The following FHIP1A variants were observed in gnomAD, a reference collection of about 807,000 sequenced individuals.
FHIP1A encodes the protein FHF complex subunit HOOK interacting protein 1A, also known as FHF complex subunit HOOK-interacting protein 1A.
Under a neutral mutation model 88.6 loss-of-function variants are expected in FHIP1A, and 61 were observed. The observed-to-expected ratio is 0.69, with a 90% confidence interval of 0.56 to 0.85. The LOEUF is 0.85. Among genes scored for constraint, FHIP1A ranks in the 40% least tolerant of loss-of-function variants. The pLI, the probability that FHIP1A is intolerant of heterozygous loss-of-function variation, is 0.00. For synonymous variants in FHIP1A, 478 were observed against 496.0 expected, an observed-to-expected ratio of 0.96 and a Z score of 0.48; for missense variants, 1,154 against 1,273.5, an observed-to-expected ratio of 0.91 and a Z score of 1.43.
At chr4:151,630,182 A>G (rs1029154600) in intron 8 of FHIP1A, among the ~76,000 whole-genome samples, 4 of 152,180 alleles carry the variant, frequency 2.6e-5, no homozygotes, top group Non-Finnish European at 4.4e-5. Context: ...TGGGGGCAAG[A>G]TGCAAGGGAA....
intron 7 of FHIP1A, among the ~76,000 whole-genome samples, chr4:151,599,560 A>G (rs988246185): frequency 4.6e-5 from 7 of 152,182 alleles, no homozygotes; most frequent in African/African-American, 1.7e-4. Context: ...AGACTGTTGA[A>G]AAGTCTGAGA....
intron 7 of FHIP1A, among the ~76,000 whole-genome samples, chr4:151,620,596 T>C (rs1194259542): frequency 2.0e-5 from 3 of 152,090 alleles, no homozygotes; most frequent in Non-Finnish European, 2.9e-5. Context: ...TTATCACAAA[T>C]AGGCACAGAG....
chr4:151,646,658 C>A lies in FHIP1A; in HGVS notation c.1327C>A (p.Pro443Thr), dbSNP rs762317274. ...TGCGGCCAAGCTTCTCGCCTTGACT[C>A]CTGTCTGCTGCTCCAGCGGGATCAC... The part of the protein sequence containing the change: ...VSAAKLLALT[P>T]VCCSSGITLT... The change falls in exon 10 of 14, where the codon CCT becomes ACT. Residue 443 changes from proline to threonine, a missense_variant. Pro to Thr is a conservative substitution (Grantham distance 38). Transcript: ENST00000435205. 1.2e-5 allele frequency: 18 copies of A among 1,551,572 alleles called. No homozygotes were observed. The South Asian group carries it at 2.1e-4, about 18-fold the overall frequency.
At position 151,649,712 on chromosome 4, in the gene FHIP1A, A is replaced by C; in HGVS notation, c.1671A>C (p.Gln557His). ...SACPVFGLPQ[Q>H]LPRKTGPQLA... ...GCCCTGTGTTCGGGCTCCCGCAACA[A>C]CTCCCCAGGAAGACAGGACCTCAGC... Residue 557 changes from glutamine (Q) to histidine (H), a missense_variant, in exon 11 of 14, where the codon CAA (glutamine) becomes CAC (histidine). Physicochemically the swap from Gln to His is conservative, Grantham distance 24. Coordinates refer to ENST00000435205, the MANE Select transcript of FHIP1A (RefSeq NM_001109977.3). 6.4e-7 allele frequency: 1 copy of C among 1,551,446 alleles called. No individual in the cohort carries two copies. The highest frequency in any genetic ancestry group is 8.7e-7 in the Non-Finnish European group (1 of 1,146,948).
chr4:151,435,830 T>C (rs932403364), intron 1 of FHIP1A, among the ~76,000 whole-genome samples: 1 of 151,864 alleles, frequency 6.6e-6, no homozygotes, highest in African/African-American at 2.4e-5. Context: ...AAAATCTTTG[T>C]AGAATCATAT....
At chr4:151,486,215 A>T (rs1387313637) in intron 3 of FHIP1A, among the ~76,000 whole-genome samples, 3 of 152,068 alleles carry the variant, frequency 2.0e-5, no homozygotes, top group Non-Finnish European at 4.4e-5. Context: ...CAGGCCAGAG[A>T]CTGGTACCAG....
intron 1 of FHIP1A, among the ~76,000 whole-genome samples, chr4:151,430,091 G>A (rs1733538454): frequency 6.6e-6 from 1 of 152,126 alleles, no homozygotes; most frequent in Admixed American, 6.5e-5. Context: ...TGCTCCTCTG[G>A]ATGTGTGGGT....
In FHIP1A at chr4:151,649,756, A is replaced by G. The variant is rs1191881695; in HGVS notation, c.1715A>G (p.Lys572Arg). ...TGPQLAPRKD[K>R]SQTELEWDDS... ...CCTCAGCTGGCTCCCAGAAAGGACA[A>G]GAGCCAGACAGAGCTGGAATGGGAT... The change falls in exon 11 of 14, where the codon AAG becomes AGG. Residue 572 changes from lysine (K) to arginine (R), a missense_variant. By Grantham distance (26) the Lys-to-Arg change is conservative. Transcript: ENST00000435205. The G allele has an allele frequency of 6.4e-7, 1 of 1,551,708 alleles. No homozygotes were observed. The highest frequency in any genetic ancestry group is 8.7e-7 in the Non-Finnish European group (1 of 1,146,980).
chr4:151,627,129 T>C (rs2126873370), intron 7 of FHIP1A, among the ~76,000 whole-genome samples: 1 of 152,320 alleles, frequency 6.6e-6, no homozygotes, highest in Middle Eastern at 3.4e-3. Flanking sequence ...GTGAGTATGA[T>C]CTGTTTATAA....
At chr4:151,581,024 A>AT (rs1298602617) in intron 5 of FHIP1A, among the ~76,000 whole-genome samples, 11 of 151,968 alleles carry the variant, frequency 7.2e-5, no homozygotes, top group African/African-American at 2.7e-4. Flanking sequence ...CGCCCAGGTA[A>AT]TTTTTTGTAT....
intron 2 of FHIP1A, among the ~76,000 whole-genome samples, chr4:151,457,125 G>T (rs368936420): frequency 6.6e-6 from 1 of 152,166 alleles, no homozygotes; most frequent in African/African-American, 2.4e-5. Context: ...TGGTCTTGTA[G>T]TGGGGCTTTT....
At chr4:151,413,745 G>A (rs1041995175) in intron 1 of FHIP1A, among the ~76,000 whole-genome samples, 6 of 151,972 alleles carry the variant, frequency 3.9e-5, no homozygotes, top group African/African-American at 1.2e-4. Flanking sequence ...ATGAGCCACC[G>A]CGCCTGGCCT....
rs1190161036 is a variant in FHIP1A at position 151,662,915 on chromosome 4, C to G, written c.*161C>G. ...TTTTCTGTATCTTTCCTCTCTCTCT[C>G]TAGCCGGGCCTTTCCACCTTATGTT... On this transcript the variant is annotated 3_prime_UTR_variant, in exon 14 of 14. Coordinates refer to ENST00000435205, the MANE Select transcript of FHIP1A (RefSeq NM_001109977.3). 5 of 668,002 alleles carry G rather than the reference C, an allele frequency of 7.5e-6. No homozygotes were observed. The highest frequency in any genetic ancestry group is 3.7e-5 in the African/African-American group (2 of 53,488). 41.4% of individuals were successfully genotyped at this position (668,002 alleles called of 1,614,324 possible).
chr4:151,442,083 C>T (rs1015358486), intron 1 of FHIP1A, among the ~76,000 whole-genome samples: 5 of 152,080 alleles, frequency 3.3e-5, no homozygotes, highest in Non-Finnish European at 7.4e-5. Context: ...TTATTAGGAA[C>T]ATTTGATCAC....
chr4:151,652,742 G>C (rs1239305270), intron 11 of FHIP1A, among the ~76,000 whole-genome samples: 1 of 152,246 alleles, frequency 6.6e-6, no homozygotes, highest in Non-Finnish European at 1.5e-5. Context: ...AAGCAGGTGA[G>C]AATGATAGTC....
At chr4:151,558,939 C>T (rs1416967212) in intron 3 of FHIP1A, among the ~76,000 whole-genome samples, 1 of 152,148 alleles carries the variant, frequency 6.6e-6, no homozygotes, top group African/African-American at 2.4e-5. Context: ...TTAAAAAGTG[C>T]TTCTGAAAAT....
chr4:151,419,525 G>A (rs1401921767), intron 1 of FHIP1A, among the ~76,000 whole-genome samples: 1 of 146,118 alleles, frequency 6.8e-6, no homozygotes, highest in East Asian at 2.1e-4. Flanking sequence ...GGTGCTCTGT[G>A]CAAATCCTTT....
intron 3 of FHIP1A, among the ~76,000 whole-genome samples, chr4:151,554,280 C>T (rs1732861597): frequency 6.6e-6 from 1 of 152,158 alleles, no homozygotes; most frequent in South Asian, 2.1e-4. Flanking sequence ...TCTGCTGATG[C>T]AAACACCTCT....
chr4:151,414,090 G>A (rs1349928219), intron 1 of FHIP1A, among the ~76,000 whole-genome samples: 1 of 150,910 alleles, frequency 6.6e-6, no homozygotes, highest in Non-Finnish European at 1.5e-5. Context: ...TCACTCTGTC[G>A]CCCAGGCTGG....
Sources: gnomAD v4.1 joint callset for allele counts (sites outside exome capture counted in the v4.1 genomes callset) on GRCh38, gnomAD v4.1.1 for gene constraint, MANE v1.5 for transcripts, NCBI Gene and HGNC (gene_info 2026-07-23, HGNC 2026-07-21) for gene names.